Variants in CUX1 observed in about 807,000 individuals in gnomAD.
The protein encoded by CUX1 is cut like homeobox 1.
CUX1 carries 31 observed loss-of-function variants against 158.8 expected under a neutral mutation model. The ratio of observed to expected loss-of-function variants is 0.20; its 90% CI spans 0.15 to 0.26. The LOEUF is 0.26. CUX1 is among the 10% of genes least tolerant of loss of function. The pLI, the probability that CUX1 is intolerant of heterozygous loss-of-function variation, is 1.00. For missense variants in CUX1, 1,589 were observed against 2,014.6 expected (o/e 0.79, Z 4.04); for synonymous variants, 879 against 862.1 (o/e 1.02, Z -0.34).
intron 1 of CUX1, among the ~76,000 whole-genome samples, chr7:101,834,226 T>G (rs964414325): frequency 7.3e-6 from 1 of 137,360 alleles, no homozygotes; most frequent in Admixed American, 8.2e-5. Context: ...CAGGCTGGAG[T>G]GCAGTGGCAC....
At chr7:102,040,394 G>C (rs1821927675) in intron 3 of CUX1, among the ~76,000 whole-genome samples, 2 of 152,168 alleles carry the variant, frequency 1.3e-5, no homozygotes, top group East Asian at 1.9e-4. Context: ...GGGCTTGCCT[G>C]GCAGGGAGCA....
intron 2 of CUX1, among the ~76,000 whole-genome samples, chr7:101,931,002 C>T (rs796490437): frequency 8.5e-5 from 13 of 152,260 alleles, no homozygotes; most frequent in African/African-American, 1.4e-4. Context: ...GAGGCTGAGA[C>T]GGAGAATCAC....
At chr7:102,279,546 A>G (rs1273903578) in intron 18 of CUX1, among the ~76,000 whole-genome samples, 4 of 152,102 alleles carry the variant, frequency 2.6e-5, no homozygotes, top group East Asian at 1.9e-4. Flanking sequence ...AGCGTGGGGC[A>G]TAGTGGGGCA....
downstream of CUX1, among the ~76,000 whole-genome samples, chr7:102,260,319 G>A (rs13229563): frequency 2.5e-5 from 1 of 39,680 alleles, no homozygotes; most frequent in Non-Finnish European, 6.5e-5. Flanking sequence ...GAACTCCTGA[G>A]CTCAGAAGAT....
At chr7:102,180,062 C>T (rs576579664) in intron 11 of CUX1, among the ~76,000 whole-genome samples, 36 of 152,206 alleles carry the variant, frequency 2.4e-4, no homozygotes, top group African/African-American at 7.9e-4. Flanking sequence ...TCGCTTTTGT[C>T]GCCGAGACTG....
chr7:102,104,782 C>T (rs1484344573), intron 6 of CUX1, among the ~76,000 whole-genome samples: 2 of 152,230 alleles, frequency 1.3e-5, no homozygotes, highest in Admixed American at 6.5e-5. Context: ...GTAATCCCAG[C>T]TACTTAGGCT....
At chr7:101,848,856 GA>G (rs967020709) in intron 1 of CUX1, among the ~76,000 whole-genome samples, 243 of 140,954 alleles carry the variant, frequency 1.7e-3, no homozygotes, top group African/African-American at 4.0e-3. Flanking sequence ...CCAGGAAACG[GA>G]AAAAAAAAAA....
chr7:102,170,439 C>T lies in CUX1; in HGVS notation c.724-7C>T, dbSNP rs965725581. The T allele has an allele frequency of 6.4e-7, 1 of 1,562,812 alleles. No homozygotes were observed. Among genetic ancestry groups the T allele is most frequent in the Non-Finnish European group, 8.7e-7 (1 of 1,151,164 alleles). ...CTTTCTCTTTCACCCCTTTTCATTTCCTTCAGAGGGCAGAGGTGGCTCAGA... is the reference window on the plus strand; with the variant it reads ...CTTTCTCTTTCACCCCTTTTCATTTTCTTCAGAGGGCAGAGGTGGCTCAGA... On this transcript the variant is annotated splice_region_variant and splice_polypyrimidine_tract_variant and intron_variant, in intron 9 of 23. Transcript: ENST00000292535.
Position 102,257,634 on chromosome 7 carries a change from A to G in CUX1, c.*8592A>G, listed in dbSNP as rs1248432224. On this transcript the variant is annotated 3_prime_UTR_variant, in exon 24 of 24. Coordinates refer to ENST00000292535, the MANE Select transcript of CUX1 (RefSeq NM_181552.4). ...AGCGGGTAGCACCACGCTCCTGTCC[A>G]GACTACTAACAGCACAAGACGCACT... 3.0e-6 allele frequency: 3 copies of G among 985,310 alleles called. No individual in the cohort carries two copies. The highest frequency in any genetic ancestry group is 1.1e-4 in the East Asian group (1 of 8,834). 61.0% of individuals were successfully genotyped at this position (985,310 alleles called of 1,614,324 possible). A position where few individuals can be genotyped will look rare whatever the true frequency, so the allele number is the denominator to read the frequency against.
intron 1 of CUX1, among the ~76,000 whole-genome samples, chr7:101,902,074 C>T (rs193121605): frequency 6.6e-6 from 1 of 152,310 alleles, no homozygotes; most frequent in East Asian, 1.9e-4. Flanking sequence ...CCTGCCCCGT[C>T]TCGTTTTTCA....
intron 9 of CUX1, among the ~76,000 whole-genome samples, chr7:102,160,965 TA>T (rs1207702901): frequency 6.6e-6 from 1 of 152,236 alleles, no homozygotes; most frequent in African/African-American, 2.4e-5. Flanking sequence ...TAAAATATGT[TA>T]AAAAATTTTT....
intron 2 of CUX1, among the ~76,000 whole-genome samples, chr7:101,996,065 C>T (rs756193968): frequency 5.9e-5 from 9 of 151,486 alleles, no homozygotes; most frequent in East Asian, 3.9e-4. Context: ...GAGATGAGAT[C>T]GCGCCACTGC....
At chr7:102,266,670 G>A (rs1586500749) in intron 14 of CUX1, among the ~76,000 whole-genome samples, 1 of 152,146 alleles carries the variant, frequency 6.6e-6, no homozygotes, top group Non-Finnish European at 1.5e-5. Flanking sequence ...AGGAAACAGG[G>A]CAGAGCAGCC....
intron 1 of CUX1, among the ~76,000 whole-genome samples, chr7:101,825,798 TGCGCGC>T (rs72447961): frequency 1.6e-3 from 124 of 78,394 alleles, no homozygotes; most frequent in Middle Eastern, 0.016. Context: ...TGTGTGTGTG[TGCGCGC>T]GCGCGCGCAG....
chr7:102,112,386 C>T (rs1831008843), intron 7 of CUX1, among the ~76,000 whole-genome samples: 1 of 142,662 alleles, frequency 7.0e-6, no homozygotes, highest in African/African-American at 2.7e-5. Flanking sequence ...GGGCTACAGG[C>T]GCCCACCACC....
At chr7:102,132,222 A>G (rs1833334538) in intron 8 of CUX1, among the ~76,000 whole-genome samples, 1 of 151,032 alleles carries the variant, frequency 6.6e-6, no homozygotes, top group African/African-American at 2.4e-5. Flanking sequence ...AGATGGATGG[A>G]TGGACAGACG....
At chr7:102,160,561 T>C (rs1486140312) in intron 9 of CUX1, among the ~76,000 whole-genome samples, 1 of 152,126 alleles carries the variant, frequency 6.6e-6, no homozygotes, top group African/African-American at 2.4e-5. Context: ...CGGGTTCAGT[T>C]CCTAACTCGG....
At chr7:101,914,855 C>T (rs1007066915) in intron 1 of CUX1, among the ~76,000 whole-genome samples, 29 of 152,222 alleles carry the variant, frequency 1.9e-4, no homozygotes, top group Admixed American at 1.7e-3. Flanking sequence ...TGGCCCACCC[C>T]GTAGTAGTAC....
At chr7:101,915,939 T>A (rs1340124797) in intron 1 of CUX1, among the ~76,000 whole-genome samples, 176 bp from the exon 2 acceptor site, 1 of 152,082 alleles carries the variant, frequency 6.6e-6, no homozygotes, top group Admixed American at 6.6e-5. Flanking sequence ...GATGGGGGGA[T>A]AATGTTCATT....
Sources: allele counts gnomAD v4.1 joint callset (sites outside exome capture counted in the v4.1 genomes callset), GRCh38; gene constraint gnomAD v4.1.1; transcripts MANE v1.5; gene names NCBI Gene and HGNC (gene_info 2026-07-23, HGNC 2026-07-21).